Variants in LCMT1 observed in about 807,000 individuals in gnomAD.
The protein encoded by LCMT1 is leucine carboxyl methyltransferase 1.
A neutral mutation model predicts 47.7 loss-of-function variants in LCMT1; 32 were observed. The observed-to-expected ratio is 0.67, with a 90% CI of 0.51 to 0.90. LCMT1 has a LOEUF of 0.90. Ranked by LOEUF, LCMT1 falls within the 40% of genes least tolerant of loss-of-function variation. The pLI is 0.00. For missense variants in LCMT1, 375 were observed against 415.2 expected, an observed-to-expected ratio of 0.90 and a Z score of 0.84; for synonymous variants, 152 against 149.7, an observed-to-expected ratio of 1.02 and a Z score of -0.11.
intron 6 of LCMT1, 109 bp downstream of exon 6, chr16:25,161,313 T>C: frequency 1.7e-6 from 1 of 576,142 alleles, no homozygotes; most frequent in Non-Finnish European, 3.0e-6. Context: ...TTTTATTCTT[T>C]AAGAGTTTTA....
chr16:25,177,979 G>A, intron 10 of LCMT1, 22 bp from the exon 11 acceptor site: 5 of 1,613,080 alleles, frequency 3.1e-6, no homozygotes, highest in Non-Finnish European at 4.2e-6. Context: ...TCCTAATGGT[G>A]TCTGTGTGTC....
intron 3 of LCMT1, among the ~76,000 whole-genome samples, chr16:25,136,849 C>G (rs913262140): frequency 3.3e-5 from 5 of 152,070 alleles, no homozygotes; most frequent in Non-Finnish European, 7.4e-5. Flanking sequence ...GGATGTCTTT[C>G]TTAAGCGCTC....
At chr16:25,124,401 C>T (rs898566472) in intron 1 of LCMT1, among the ~76,000 whole-genome samples, 1 of 152,192 alleles carries the variant, frequency 6.6e-6, no homozygotes, top group Non-Finnish European at 1.5e-5. Flanking sequence ...TGAACACCTA[C>T]ATTAAACCTT....
chr16:25,152,105 C>CA (rs1310820696), intron 5 of LCMT1, among the ~76,000 whole-genome samples: 1 of 152,124 alleles, frequency 6.6e-6, no homozygotes, highest in African/African-American at 2.4e-5. Context: ...GCAGAGGACA[C>CA]AAAAACCCAC....
At chr16:25,112,044 TAGGTGGG>T in intron 1 of LCMT1, 48 bp downstream of exon 1, 2 of 1,291,734 alleles carry the variant, frequency 1.5e-6, no homozygotes, top group Non-Finnish European at 1.1e-6. Flanking sequence ...GGCGCGGGCC[TAGGTGGG>T]AGGTGGGCCT....
chr16:25,123,753 A>G (rs776648570), intron 1 of LCMT1, among the ~76,000 whole-genome samples: 3 of 151,040 alleles, frequency 2.0e-5, no homozygotes, highest in Non-Finnish European at 4.4e-5. Context: ...GATTACAGGC[A>G]TGAGCCACCA....
At chr16:25,163,007 A>G (rs1021101159) in intron 6 of LCMT1, among the ~76,000 whole-genome samples, 2 of 152,140 alleles carry the variant, frequency 1.3e-5, no homozygotes, top group Non-Finnish European at 2.9e-5. Flanking sequence ...AGTAGCTGGG[A>G]CCACAGCAGT....
intron 5 of LCMT1, among the ~76,000 whole-genome samples, chr16:25,154,818 A>G (rs1961202803): frequency 6.6e-6 from 1 of 152,016 alleles, no homozygotes; most frequent in Non-Finnish European, 1.5e-5. Context: ...TCTGTTGTCA[A>G]CTTTTTTTTA....
intron 10 of LCMT1, among the ~76,000 whole-genome samples, chr16:25,175,469 C>CAAA (rs35504714): frequency 2.2e-4 from 30 of 134,978 alleles, no homozygotes; most frequent in African/African-American, 4.6e-4. Context: ...ACTAAAAATA[C>CAAA]AAAAAAAAAA....
In LCMT1 at chr16:25,174,132, G is replaced by A. The variant is rs527732186; in HGVS notation, c.885-805G>A. On this transcript the variant is annotated intron_variant, in intron 9 of 10. Transcript: ENST00000399069. The stretch of plus-strand genomic sequence containing the variant: ...TCACCATGTTGGCCAGGCTGGTCTC[G>A]AACTCCTGACCTCAGGAGATCCACC... Among the ~76,000 whole-genome samples, 861 of 151,876 alleles carry A rather than the reference G, an allele frequency of 5.7e-3. 3 individuals carry two copies. The highest frequency in any genetic ancestry group is 0.01 in the Non-Finnish European group (700 of 67,914).
intron 7 of LCMT1, among the ~76,000 whole-genome samples, chr16:25,167,657 A>G (rs1241907676): frequency 6.6e-6 from 1 of 152,220 alleles, no homozygotes; most frequent in Non-Finnish European, 1.5e-5. Context: ...CATGGATGAT[A>G]ATAATTTCAA....
chr16:25,154,379 T>C (rs1961174936), intron 5 of LCMT1, among the ~76,000 whole-genome samples: 2 of 152,252 alleles, frequency 1.3e-5, no homozygotes, highest in African/African-American at 4.8e-5. Flanking sequence ...TTTCCTTCGT[T>C]TTATTGGACT....
chr16:25,153,977 G>A (rs1961158155), intron 5 of LCMT1, among the ~76,000 whole-genome samples: 1 of 152,048 alleles, frequency 6.6e-6, no homozygotes, highest in Non-Finnish European at 1.5e-5. Flanking sequence ...ATTTCTACCA[G>A]TCTGGTAGGC....
chr16:25,154,754 C>CT lies in LCMT1; in HGVS notation c.466+3139_466+3140insT, dbSNP rs546835654. Reference sequence around the variant, plus strand: ...CCACCGGCCTCGGCCTCCCAAAGTGCGGGATTATAGGTGTGAGCCACTGCA... The same window carrying CT: ...CCACCGGCCTCGGCCTCCCAAAGTGCTGGGATTATAGGTGTGAGCCACTGCA... On this transcript the variant is annotated intron_variant, in intron 5 of 10. Coordinates refer to ENST00000399069, the MANE Select transcript of LCMT1 (RefSeq NM_016309.3). 8.8e-3 allele frequency among the ~76,000 whole-genome samples: 1,334 copies of CT among 152,100 alleles called. 19 individuals are homozygous for CT. The highest frequency in any genetic ancestry group is 0.031 in the African/African-American group (1,271 of 41,470).
chr16:25,173,695 T>G (rs895893462), intron 9 of LCMT1, among the ~76,000 whole-genome samples: 5 of 150,444 alleles, frequency 3.3e-5, no homozygotes, highest in African/African-American at 1.2e-4. Flanking sequence ...TGTACCTATT[T>G]TGACAGAAAC....
Position 25,163,934 on chromosome 16 carries a change from G to A in LCMT1, c.570-664G>A, listed in dbSNP as rs374342207. On this transcript the variant is annotated intron_variant, in intron 6 of 10. Transcript: ENST00000399069. Reference sequence around the variant, plus strand: ...TTACTTAGCTGGAGGTTCTTCTGCAGTTTGGACAGGGCTTAGCTGGATGGT... The same window carrying A: ...TTACTTAGCTGGAGGTTCTTCTGCAATTTGGACAGGGCTTAGCTGGATGGT... Among the ~76,000 whole-genome samples, 7 of 152,174 alleles carry A rather than the reference G, an allele frequency of 4.6e-5. No homozygotes were observed. The East Asian group carries it at 1.3e-3, about 29-fold the overall frequency.
At chr16:25,162,366 A>G (rs1420865093) in intron 6 of LCMT1, among the ~76,000 whole-genome samples, 1 of 152,012 alleles carries the variant, frequency 6.6e-6, no homozygotes, top group East Asian at 1.9e-4. Context: ...AGGTGGGCAG[A>G]TCACCTGAGG....
chr16:25,119,615 C>A (rs1407487700), intron 1 of LCMT1, among the ~76,000 whole-genome samples: 1 of 152,130 alleles, frequency 6.6e-6, no homozygotes, highest in African/African-American at 2.4e-5. Flanking sequence ...AACTTAATCT[C>A]ATTTTCAGCT....
intron 1 of LCMT1, among the ~76,000 whole-genome samples, chr16:25,113,394 C>T (rs373615601): frequency 1.8e-3 from 278 of 152,276 alleles, no homozygotes; most frequent in African/African-American, 6.3e-3. Flanking sequence ...TCAAACTGAG[C>T]GTTGCCACTT....
Sources: allele counts gnomAD v4.1 joint callset (sites outside exome capture counted in the v4.1 genomes callset), GRCh38; gene constraint gnomAD v4.1.1; transcripts MANE v1.5; gene names NCBI Gene and HGNC (gene_info 2026-07-23, HGNC 2026-07-21).